The following OPHN1 variants were observed in gnomAD, a reference collection of about 807,000 sequenced individuals.
OPHN1 encodes oligophrenin-1.
Under a neutral mutation model 60.7 loss-of-function variants are expected in OPHN1, and 11 were observed. The observed-to-expected ratio is 0.18, with a 90% CI of 0.11 to 0.30. The LOEUF (loss-of-function observed/expected upper bound fraction) is 0.30, where lower values mean the gene tolerates loss of function less well. OPHN1 is among the 10% of genes least tolerant of loss of function. OPHN1 has a pLI of 1.00. For missense variants in OPHN1, 449 were observed against 611.0 expected (o/e 0.73, Z 2.80); for synonymous variants, 226 against 222.6 (o/e 1.02, Z -0.14).
chrX:68,271,521 G>C (rs759486848), intron 5 of OPHN1, among the ~76,000 whole-genome samples: 124 of 110,750 alleles, frequency 1.1e-3, no homozygotes, highest in African/African-American at 3.7e-3. Flanking sequence ...ATGGGTGACA[G>C]AGTGAGACCC....
At chrX:68,305,914 G>A (rs2078142841) in intron 2 of OPHN1, among the ~76,000 whole-genome samples, 1 of 111,939 alleles carries the variant, frequency 8.9e-6, no homozygotes, top group Non-Finnish European at 1.9e-5. Flanking sequence ...CTAAGACACA[G>A]GAAACAATAG....
At chrX:68,409,761 G>C (rs1160602091) in intron 2 of OPHN1, among the ~76,000 whole-genome samples, 1 of 111,926 alleles carries the variant, frequency 8.9e-6, no homozygotes, top group African/African-American at 3.2e-5. Flanking sequence ...CCAGAACTTG[G>C]AAATTCCTCT....
intron 5 of OPHN1, among the ~76,000 whole-genome samples, chrX:68,263,785 G>A (rs973893106): frequency 4.5e-5 from 5 of 111,238 alleles, no homozygotes; most frequent in African/African-American, 1.3e-4. Context: ...CAAGCCACAC[G>A]TAATTTTAAA....
chrX:68,214,130 T>C (rs1257716020), intron 6 of OPHN1, among the ~76,000 whole-genome samples, 158 bp from the exon 7 acceptor site: 3 of 111,984 alleles, frequency 2.7e-5, no homozygotes, highest in Non-Finnish European at 5.6e-5. Context: ...AGCCAAGAGA[T>C]AAAAAAGTGA....
intron 15 of OPHN1, among the ~76,000 whole-genome samples, chrX:68,182,102 C>G (rs193235011): frequency 9.1e-6 from 1 of 109,429 alleles, no homozygotes; most frequent in Non-Finnish European, 1.9e-5. Context: ...ATGGCTACAC[C>G]TTAGGCACCG....
chrX:68,083,866 G>A (rs1045626065), intron 19 of OPHN1, among the ~76,000 whole-genome samples: 22 of 111,711 alleles, frequency 2.0e-4, no homozygotes, highest in Non-Finnish European at 3.8e-4. Flanking sequence ...GCTGATCGGC[G>A]GAGCAGTCAG....
intron 2 of OPHN1, among the ~76,000 whole-genome samples, chrX:68,337,237 C>A (rs1246103720): frequency 9.0e-6 from 1 of 111,338 alleles, no homozygotes; most frequent in African/African-American, 3.3e-5. Context: ...TTGTCTTTTT[C>A]AATTTTTTTC....
At chrX:68,047,552 T>C (rs1466260018) in intron 24 of OPHN1, among the ~76,000 whole-genome samples, 1 of 111,507 alleles carries the variant, frequency 9.0e-6, no homozygotes, top group Non-Finnish European at 1.9e-5. Flanking sequence ...GAAGCTTATC[T>C]ACCCACGGAC....
At chrX:68,107,301 C>CT (rs1212346713) in intron 18 of OPHN1, among the ~76,000 whole-genome samples, 2 of 111,377 alleles carry the variant, frequency 1.8e-5, no homozygotes, top group Non-Finnish European at 3.8e-5. Flanking sequence ...AACAGTACCT[C>CT]TACCACTTTT....
chrX:68,065,579 G>A (rs987153785), intron 20 of OPHN1, among the ~76,000 whole-genome samples: 2 of 111,764 alleles, frequency 1.8e-5, no homozygotes, highest in Non-Finnish European at 3.8e-5. Context: ...CTGAAGCCAG[G>A]TGGCCAGGTC....
intron 23 of OPHN1, among the ~76,000 whole-genome samples, chrX:68,048,779 G>C (rs1219953909): frequency 8.9e-6 from 1 of 112,001 alleles, no homozygotes; most frequent in Non-Finnish European, 1.9e-5. Flanking sequence ...ACAGGGATAA[G>C]GGTGAGGACA....
At chrX:68,276,895 T>A (rs1027798765) in intron 4 of OPHN1, among the ~76,000 whole-genome samples, 21 of 110,893 alleles carry the variant, frequency 1.9e-4, no homozygotes, top group African/African-American at 6.9e-4. Context: ...CAATGTCTCA[T>A]ACCAGCTGAA....
intron 2 of OPHN1, among the ~76,000 whole-genome samples, chrX:68,430,535 G>C (rs1266040258): frequency 9.0e-6 from 1 of 111,349 alleles, no homozygotes; most frequent in Non-Finnish European, 1.9e-5. Flanking sequence ...AGAAAAGAAG[G>C]AAAGAGGCCA....
At chrX:68,250,375 G>A (rs1017296806) in intron 5 of OPHN1, among the ~76,000 whole-genome samples, 13 of 112,166 alleles carry the variant, frequency 1.2e-4, no homozygotes, top group Non-Finnish European at 2.4e-4. Flanking sequence ...CAATAACCCT[G>A]TGAGGCTGAT....
chrX:68,217,064 GGTGCGCGCACCGT>G (rs1489959258), intron 6 of OPHN1, among the ~76,000 whole-genome samples: 1 of 111,387 alleles, frequency 9.0e-6, no homozygotes, highest in Admixed American at 9.4e-5. Context: ...GAGGTCAGTG[GGTGCGCGCACCGT>G]GCGCGAGCCG....
At chrX:68,160,004 A>AG (rs1207859138) in intron 15 of OPHN1, among the ~76,000 whole-genome samples, 1 of 110,140 alleles carries the variant, frequency 9.1e-6, no homozygotes, top group African/African-American at 3.3e-5. Flanking sequence ...AATTAAAAAA[A>AG]AAAACAAGAT....
intron 5 of OPHN1, among the ~76,000 whole-genome samples, chrX:68,248,552 A>T (rs2077818397): frequency 8.9e-6 from 1 of 111,751 alleles, no homozygotes; most frequent in Middle Eastern, 4.6e-3. Flanking sequence ...ACAAAACTAA[A>T]AATTGAACTA....
intron 2 of OPHN1, among the ~76,000 whole-genome samples, chrX:68,318,674 G>A (rs1294629969): frequency 9.0e-6 from 1 of 111,647 alleles, no homozygotes; most frequent in Non-Finnish European, 1.9e-5. Flanking sequence ...CATTATTAAA[G>A]TCCATACTTT....
intron 2 of OPHN1, among the ~76,000 whole-genome samples, chrX:68,416,033 AATATATATATATATATAT>A (rs1163304135): frequency 1.4e-3 from 41 of 29,703 alleles, no homozygotes; most frequent in East Asian, 2.8e-3. Context: ...AAAATTATAT[AATATATATATATATATAT>A]ATATATATAT....
Sources: allele counts gnomAD v4.1 joint callset (sites outside exome capture counted in the v4.1 genomes callset), GRCh38; gene constraint gnomAD v4.1.1; transcripts MANE v1.5; gene names NCBI Gene and HGNC (gene_info 2026-07-23, HGNC 2026-07-21).